The following MAF variants were observed in gnomAD, a reference collection of about 807,000 sequenced individuals.
The protein encoded by MAF is MAF bZIP transcription factor, also known as transcription factor Maf.
MAF carries 10 observed loss-of-function variants against 22.0 expected under a neutral mutation model. The observed-to-expected ratio is 0.45, with a 90% CI of 0.28 to 0.77. MAF has a LOEUF of 0.77. MAF is among the 30% of genes least tolerant of loss of function. The pLI, the probability that MAF is intolerant of heterozygous loss-of-function variation, is 0.12. For missense variants in MAF, 544 were observed against 548.4 expected (o/e 0.99, Z 0.08); for synonymous variants, 337 against 255.8 (o/e 1.32, Z -3.03).
chr16:79,428,787 G>C, the MAF span, among the ~76,000 whole-genome samples: 1 of 152,158 alleles, frequency 6.6e-6, no homozygotes, highest in African/African-American at 2.4e-5. Context: ...CGAGGCTGCA[G>C]TGAGCTGAGA....
At chr16:79,202,625 A>G in the MAF span, 1 of 152,248 alleles carries the variant, frequency 6.6e-6, no homozygotes, top group African/African-American at 2.4e-5. Context: ...ACAACAGTCT[A>G]GGAAGAAATC....
the MAF span, among the ~76,000 whole-genome samples, chr16:79,251,101 T>C: frequency 2.6e-5 from 4 of 152,174 alleles, no homozygotes; most frequent in African/African-American, 9.6e-5. Flanking sequence ...AGGTGGAAAC[T>C]GACTCTCAGA....
At position 79,599,140 on chromosome 16, in the gene MAF, G is replaced by A. The variant is rs759100360; in HGVS notation, c.763C>T (p.Leu255=). ...TCGGAGAAGCGGTCGTCGAAGTGCA[G>A]GCCGCCGGCGGCGTGGTGCGGGTGC... ...ALHPHHAAGG[L]HFDDRFSDEQ... is the part of the protein sequence containing the mutation. The change falls in exon 1 of 2, where the codon CTG becomes TTG. Residue 255 remains leucine (L), a synonymous_variant. Transcript: ENST00000326043. 2 of 1,566,158 alleles carry A rather than the reference G, an allele frequency of 1.3e-6. No individual in the cohort carries two copies. The highest frequency in any genetic ancestry group is 1.1e-5 in the South Asian group (1 of 87,492).
At chr16:79,395,471 T>A in the MAF span, among the ~76,000 whole-genome samples, 2 of 152,086 alleles carry the variant, frequency 1.3e-5, no homozygotes, top group Non-Finnish European at 2.9e-5. Context: ...GAGATCATAA[T>A]GGAGGAGGGT....
chr16:79,578,516 A>C, the MAF span, among the ~76,000 whole-genome samples: 2 of 152,196 alleles, frequency 1.3e-5, no homozygotes, highest in Non-Finnish European at 2.9e-5. Context: ...CTATAGCTCT[A>C]TTCATTTCTC....
At chr16:79,431,381 G>A in the MAF span, among the ~76,000 whole-genome samples, 1 of 152,206 alleles carries the variant, frequency 6.6e-6, no homozygotes, top group African/African-American at 2.4e-5. Context: ...ATAACATTAA[G>A]CAAGTTATTT....
the MAF span, among the ~76,000 whole-genome samples, chr16:79,265,415 C>T: frequency 7.4e-4 from 112 of 152,262 alleles, 1 homozygote; most frequent in African/African-American, 2.6e-3. Context: ...TTCTCTCTTT[C>T]GCCAGGGTCC....
At chr16:79,377,424 T>G in the MAF span, among the ~76,000 whole-genome samples, 1 of 152,256 alleles carries the variant, frequency 6.6e-6, no homozygotes, top group African/African-American at 2.4e-5. Context: ...ATTCTGGATA[T>G]TAGCCCTTTG....
At chr16:79,342,953 A>T in the MAF span, among the ~76,000 whole-genome samples, 1 of 152,174 alleles carries the variant, frequency 6.6e-6, no homozygotes. Flanking sequence ...AAAAAGGAAG[A>T]TGTGCAAATC....
At chr16:79,419,434 T>G in the MAF span, among the ~76,000 whole-genome samples, 1 of 152,208 alleles carries the variant, frequency 6.6e-6, no homozygotes, top group African/African-American at 2.4e-5. Flanking sequence ...ATCCTAGGTT[T>G]GGAAATCAGT....
chr16:79,380,456 G>C, the MAF span, among the ~76,000 whole-genome samples: 78 of 152,340 alleles, frequency 5.1e-4, no homozygotes, highest in African/African-American at 1.6e-3. Flanking sequence ...CAGTGTGAGA[G>C]AGGTATTATT....
chr16:79,302,058 G>C, the MAF span, among the ~76,000 whole-genome samples: 2 of 152,210 alleles, frequency 1.3e-5, no homozygotes, highest in South Asian at 4.2e-4. Context: ...TTCCGCGGAG[G>C]GCCTGACTCT....
the MAF span, among the ~76,000 whole-genome samples, chr16:79,493,132 G>GTTTTT: frequency 7.1e-6 from 1 of 140,784 alleles, no homozygotes; most frequent in Non-Finnish European, 1.5e-5. Flanking sequence ...TAATCTTTCT[G>GTTTTT]TTTTTTTTTT....
the MAF span, among the ~76,000 whole-genome samples, chr16:79,259,430 C>G: frequency 2.6e-5 from 4 of 152,194 alleles, no homozygotes; most frequent in Non-Finnish European, 4.4e-5. Context: ...GCACTGGTCA[C>G]AACAGGTAAT....
chr16:79,443,702 G>A, the MAF span, among the ~76,000 whole-genome samples: 1 of 152,216 alleles, frequency 6.6e-6, no homozygotes, highest in African/African-American at 2.4e-5. Context: ...TGCAAGACAG[G>A]CATCCGACTT....
chr16:79,524,778 T>C, the MAF span, among the ~76,000 whole-genome samples: 2 of 152,208 alleles, frequency 1.3e-5, no homozygotes, highest in Non-Finnish European at 2.9e-5. Context: ...TTTATCCCAT[T>C]GGATATGGGA....
the MAF span, among the ~76,000 whole-genome samples, chr16:79,558,621 G>A: frequency 6.6e-6 from 1 of 152,186 alleles, no homozygotes; most frequent in African/African-American, 2.4e-5. Context: ...GCCCCTGGAA[G>A]CAACACAGAA....
At chr16:79,428,840 G>A in the MAF span, among the ~76,000 whole-genome samples, 16 of 97,436 alleles carry the variant, frequency 1.6e-4, no homozygotes, top group African/African-American at 5.3e-4. Flanking sequence ...GCAAGACCCT[G>A]TCTCAGAAAA....
the MAF span, among the ~76,000 whole-genome samples, chr16:79,561,731 G>A: frequency 6.6e-6 from 1 of 152,090 alleles, no homozygotes; most frequent in Admixed American, 6.5e-5. Flanking sequence ...GGTCTTCAAA[G>A]CCAAATAAAA....
Sources: allele counts gnomAD v4.1 joint callset (sites outside exome capture counted in the v4.1 genomes callset), GRCh38; gene constraint gnomAD v4.1.1; transcripts MANE v1.5; gene names NCBI Gene and HGNC (gene_info 2026-07-23, HGNC 2026-07-21).